The following RALYL variants were observed in gnomAD, a reference collection of about 807,000 sequenced individuals.
RALYL encodes the protein RALY RNA binding protein like, also known as RNA-binding Raly-like protein.
In RALYL, 29 loss-of-function variants were observed where a neutral mutation model predicts 35.1. The observed-to-expected ratio is 0.83, with a 90% CI of 0.61 to 1.13. The LOEUF is 1.13. Among genes scored for constraint, RALYL ranks in the 50% most tolerant of loss-of-function variants. The pLI, the probability that RALYL is intolerant of heterozygous loss-of-function variation, is 0.00. For missense variants in RALYL, 359 were observed against 360.4 expected, an observed-to-expected ratio of 1.00 and a Z score of 0.03; for synonymous variants, 120 against 127.6, an observed-to-expected ratio of 0.94 and a Z score of 0.40.
intron 1 of RALYL, among the ~76,000 whole-genome samples, chr8:84,324,002 G>A (rs1273369683): frequency 6.6e-6 from 1 of 152,032 alleles, no homozygotes; most frequent in Non-Finnish European, 1.5e-5. Context: ...GTTGGATCAT[G>A]TAATATAGTT....
chr8:84,844,272 GA>G (rs1366860225), intron 4 of RALYL, among the ~76,000 whole-genome samples: 1 of 151,982 alleles, frequency 6.6e-6, no homozygotes, highest in South Asian at 2.1e-4. Context: ...AAATTTACAA[GA>G]AAAAAACAAA....
chr8:84,267,579 T>C (rs1226804342), intron 1 of RALYL, among the ~76,000 whole-genome samples: 2 of 152,220 alleles, frequency 1.3e-5, no homozygotes, highest in South Asian at 4.1e-4. Flanking sequence ...CGCTTCTGCC[T>C]ATGTTACGCC....
chr8:84,778,580 A>T (rs1031280939), intron 3 of RALYL, among the ~76,000 whole-genome samples: 32 of 152,250 alleles, frequency 2.1e-4, no homozygotes, highest in Non-Finnish European at 1.0e-4. Flanking sequence ...AGTTAAAGGA[A>T]GAAGACAACA....
chr8:84,424,640 T>G (rs2046120162), intron 1 of RALYL, among the ~76,000 whole-genome samples: 1 of 151,812 alleles, frequency 6.6e-6, no homozygotes, highest in Non-Finnish European at 1.5e-5. Context: ...GTTTTAGAGT[T>G]TCCAGTTTTT....
At chr8:84,264,738 A>T (rs1189620617) in intron 1 of RALYL, among the ~76,000 whole-genome samples, 1 of 152,188 alleles carries the variant, frequency 6.6e-6, no homozygotes, top group Admixed American at 6.5e-5. Flanking sequence ...AGATAAAATT[A>T]AAACTCATGC....
intron 4 of RALYL, among the ~76,000 whole-genome samples, chr8:84,839,154 C>A (rs1832654075): frequency 6.6e-6 from 1 of 152,144 alleles, no homozygotes; most frequent in Non-Finnish European, 1.5e-5. Flanking sequence ...TGAGTGTGAG[C>A]CAAAGCAGGG....
At chr8:84,512,516 G>T (rs2134439667) in intron 1 of RALYL, among the ~76,000 whole-genome samples, 1 of 152,160 alleles carries the variant, frequency 6.6e-6, no homozygotes, top group Non-Finnish European at 1.5e-5. Context: ...CCTTTACTGT[G>T]CAGAAGCGTT....
intron 2 of RALYL, among the ~76,000 whole-genome samples, chr8:84,761,922 G>A (rs1315191323): frequency 6.6e-6 from 1 of 152,092 alleles, no homozygotes; most frequent in Non-Finnish European, 1.5e-5. Flanking sequence ...GTAGGGAGAT[G>A]ACAATTTGCA....
At chr8:84,445,725 C>A (rs2048781466) in intron 1 of RALYL, among the ~76,000 whole-genome samples, 1 of 151,522 alleles carries the variant, frequency 6.6e-6, no homozygotes, top group South Asian at 2.1e-4. Flanking sequence ...CATTTACTTG[C>A]AATGTGTTTG....
intron 2 of RALYL, among the ~76,000 whole-genome samples, chr8:84,624,408 T>C (rs945450875): frequency 1.3e-5 from 2 of 152,180 alleles, no homozygotes; most frequent in African/African-American, 2.4e-5. Flanking sequence ...TTCCTTGTCT[T>C]TTCTGATTTT....
At position 84,695,669 on chromosome 8, in the gene RALYL, T is replaced by C. The variant is rs546680246; in HGVS notation, c.257-78910T>C. Among the ~76,000 whole-genome samples the C allele has an allele frequency of 2.0e-5, 3 of 152,010 alleles. No individual in the cohort carries two copies. The South Asian group carries it at 6.2e-4, about 31-fold the overall frequency. On this transcript the variant is annotated intron_variant, in intron 2 of 8. Coordinates refer to ENST00000521268, the MANE Select transcript of RALYL (RefSeq NM_173848.7). ...ATTTGTTGCATGAAGTAATGAGGTA[T>C]AGAATTCTATTTACTAATTATTGTG...
chr8:84,356,601 A>T (rs568789825), intron 1 of RALYL, among the ~76,000 whole-genome samples: 1 of 150,276 alleles, frequency 6.7e-6, no homozygotes, highest in Non-Finnish European at 1.5e-5. Flanking sequence ...AGATTCATTT[A>T]TAGGTCTACC....
chr8:84,758,631 G>T (rs903959297), intron 2 of RALYL, among the ~76,000 whole-genome samples: 5 of 140,050 alleles, frequency 3.6e-5, no homozygotes, highest in African/African-American at 1.4e-4. Flanking sequence ...GGTGCCTGAT[G>T]ACATGACAGC....
intron 2 of RALYL, among the ~76,000 whole-genome samples, chr8:84,686,736 A>G (rs1321723410): frequency 1.3e-5 from 2 of 152,020 alleles, no homozygotes; most frequent in Non-Finnish European, 2.9e-5. Flanking sequence ...AAGTTTTATC[A>G]AACATATTTT....
At chr8:84,299,340 C>T (rs1840341799) in intron 1 of RALYL, among the ~76,000 whole-genome samples, 1 of 151,964 alleles carries the variant, frequency 6.6e-6, no homozygotes, top group Non-Finnish European at 1.5e-5. Context: ...GGTGGACTAG[C>T]TTTTTGATGT....
At chr8:84,670,852 T>G (rs1833071719) in intron 2 of RALYL, among the ~76,000 whole-genome samples, 1 of 152,140 alleles carries the variant, frequency 6.6e-6, no homozygotes, top group Non-Finnish European at 1.5e-5. Context: ...CTGGCCCCTA[T>G]CAAATGTCAT....
chr8:84,401,366 G>T (rs138965411), intron 1 of RALYL, among the ~76,000 whole-genome samples: 2,597 of 152,050 alleles, frequency 0.017, 72 homozygotes, highest in African/African-American at 0.059. Context: ...GGCCAGGCGC[G>T]ATGGCTCACA....
At chr8:84,235,797 T>C (rs953127359) in intron 1 of RALYL, among the ~76,000 whole-genome samples, 2 of 145,714 alleles carry the variant, frequency 1.4e-5, no homozygotes, top group African/African-American at 5.2e-5. Context: ...AGACAGAGTC[T>C]CATGCTGTTG....
At chr8:84,694,891 A>G (rs1838826872) in intron 2 of RALYL, among the ~76,000 whole-genome samples, 1 of 151,860 alleles carries the variant, frequency 6.6e-6, no homozygotes, top group Admixed American at 6.6e-5. Flanking sequence ...CAGTAATAAT[A>G]GCTAACACTA....
Sources: allele counts gnomAD v4.1 joint callset (sites outside exome capture counted in the v4.1 genomes callset), GRCh38; gene constraint gnomAD v4.1.1; transcripts MANE v1.5; gene names NCBI Gene and HGNC (gene_info 2026-07-23, HGNC 2026-07-21).